Variants in OGG1 observed in about 807,000 individuals in gnomAD.
OGG1 encodes the protein N-glycosylase/DNA lyase.
In OGG1, 35 loss-of-function variants were observed where a neutral mutation model predicts 42.3. The ratio of observed to expected loss-of-function variants is 0.83; its 90% CI spans 0.63 to 1.10. OGG1 has a LOEUF of 1.10. Ranked by LOEUF, OGG1 falls within the 50% of genes least tolerant of loss-of-function variation. The pLI, the probability that OGG1 is intolerant of heterozygous loss-of-function variation, is 0.00. For missense variants in OGG1, 484 were observed against 446.7 expected (o/e 1.08, Z -0.75); for synonymous variants, 189 against 179.0 (o/e 1.06, Z -0.44).
At chr3:9,756,710 TC>T (rs2077580429) in intron 5 of OGG1, 56 bp from the exon 6 acceptor site, 2 of 1,613,874 alleles carry the variant, frequency 1.2e-6, no homozygotes, top group Admixed American at 3.3e-5. Context: ...AGACCCTACT[TC>T]TGTTGATGGG....
intron 3 of OGG1, among the ~76,000 whole-genome samples, chr3:9,786,668 A>T (rs1412748264): frequency 2.0e-5 from 3 of 152,192 alleles, no homozygotes; most frequent in African/African-American, 7.2e-5. Context: ...TAGCAAAAGT[A>T]ATTGTGGAGT....
chr3:9,750,190 T>G lies in OGG1; in HGVS notation c.-97T>G. The stretch of plus-strand genomic sequence containing the variant: ...AAACAGCACCGTGTGGGCGAGGCCT[T>G]AAGGGTCGTGGTCCTTGTCTGGGCG... On this transcript the variant is annotated 5_prime_UTR_variant, in exon 1 of 7. The change creates a premature stop within an existing upstream ORF in the 5' untranslated region. Coordinates refer to ENST00000344629, the MANE Select transcript of OGG1 (RefSeq NM_002542.6). 1 of 1,480,536 alleles carries G rather than the reference T, an allele frequency of 6.8e-7. No individual in the cohort carries two copies. Among genetic ancestry groups the G allele is most frequent in the Admixed American group, 2.0e-5 (1 of 49,046 alleles). 91.7% of individuals were successfully genotyped at this position (1,480,536 alleles called of 1,614,324 possible). A position where few individuals can be genotyped will look rare whatever the true frequency, so the allele number is the denominator to read the frequency against.
chr3:9,776,453 G>C (rs1277835021), intron 2 of OGG1, among the ~76,000 whole-genome samples: 1 of 144,018 alleles, frequency 6.9e-6, no homozygotes, highest in Non-Finnish European at 1.5e-5. Context: ...GCAGTGGCGC[G>C]ATCTCGGCTC....
At chr3:9,753,894 T>A (rs1462592285) in intron 3 of OGG1, among the ~76,000 whole-genome samples, 3 of 152,094 alleles carry the variant, frequency 2.0e-5, no homozygotes, top group African/African-American at 7.2e-5. Flanking sequence ...TTCAGCACTT[T>A]TGGGAGCCCA....
chr3:9,754,584 G>A, intron 3 of OGG1, 120 bp from the exon 4 acceptor site: 1 of 1,031,124 alleles, frequency 9.7e-7, no homozygotes, highest in Non-Finnish European at 1.5e-6. Flanking sequence ...ATAGAGGGTG[G>A]GGAGGTAGGA....
exon 4 of OGG1, chr3:9,787,976 G>A: frequency 6.0e-6 from 2 of 333,908 alleles, no homozygotes; most frequent in South Asian, 4.7e-5. Flanking sequence ...CGAGATACTT[G>A]GTGGGACTGG....
rs1311496039 is a variant in OGG1, at chr3:9,764,619, TTTTTTTTTG to T, written c.1049-1181_1049-1173del. ...GAGCCACTGCGCCTGGCGTTTTTGT[TTTTTTTTTG>T]TTTTTTTTTTTTTTTTTGAGATGGA... On this transcript the variant is annotated intron_variant, in intron 7 of 7. Coordinates refer to the OGG1 transcript ENST00000302008. 1.5e-4 allele frequency among the ~76,000 whole-genome samples: 19 copies of T among 124,784 alleles called. 1 individual carries two copies. Among genetic ancestry groups the T allele is most frequent in the South Asian group, 2.6e-4 (1 of 3,814 alleles). 81.9% of individuals were successfully genotyped at this position (124,784 alleles called of 152,430 possible). A position where few individuals can be genotyped will look rare whatever the true frequency, so the allele number is the denominator to read the frequency against.
chr3:9,782,518 T>C (rs2078500092), intron 3 of OGG1, among the ~76,000 whole-genome samples: 1 of 152,232 alleles, frequency 6.6e-6, no homozygotes, highest in East Asian at 1.9e-4. Flanking sequence ...TGTCAGCAAC[T>C]ACCTCTCCTT....
downstream of OGG1, among the ~76,000 whole-genome samples, chr3:9,790,194 A>G (rs1359158716): frequency 6.6e-6 from 1 of 152,148 alleles, no homozygotes; most frequent in African/African-American, 2.4e-5. Context: ...TTGTTCATCT[A>G]TACTGATTCA....
At chr3:9,788,135 G>C (rs1240455264) in exon 4 of OGG1, 1 of 170,948 alleles carries the variant, frequency 5.8e-6, no homozygotes, top group East Asian at 1.6e-4. Flanking sequence ...GAGCACATCT[G>C]ATCATGACAG....
Position 9,751,048 on chromosome 3 carries a change from G to A in OGG1, c.241G>A (p.Asp81Asn), listed in dbSNP as rs1050769912. Residue 81 changes from aspartate to asparagine, a missense_variant, in exon 2 of 7, where the codon GAC (aspartate) becomes AAC (asparagine). Transcript: ENST00000344629. Reference protein sequence around the residue: ...EQLHCTVYRGDKSQASRPTPD... With the variant: ...EQLHCTVYRGNKSQASRPTPD... ...GCTCCACTGCACTGTGTACCGAGGA[G>A]ACAAGAGCCAGGCTAGCAGGCCCAC... The A allele has an allele frequency of 6.2e-7, 1 of 1,613,866 alleles. No individual in the cohort carries two copies.
At chr3:9,785,929 CTTG>C (rs2078597150) in intron 3 of OGG1, among the ~76,000 whole-genome samples, 1 of 149,418 alleles carries the variant, frequency 6.7e-6, no homozygotes. Flanking sequence ...CACACTCCTC[CTTG>C]TTTTGTTTTG....
chr3:9,789,919 C>T, downstream of OGG1: 2 of 1,612,442 alleles, frequency 1.2e-6, no homozygotes, highest in East Asian at 2.2e-5. Flanking sequence ...GACCCAGCTT[C>T]AGGAATCGTC....
intron 4 of OGG1, 58 bp from the exon 5 acceptor site, chr3:9,756,413 A>C: frequency 6.3e-7 from 1 of 1,596,622 alleles, no homozygotes; most frequent in South Asian, 1.1e-5. Flanking sequence ...GGCTATAAGC[A>C]AGATGCTGGC....
At chr3:9,780,059 G>A (rs954696708) in intron 2 of OGG1, 2 of 299,546 alleles carry the variant, frequency 6.7e-6, no homozygotes, top group Non-Finnish European at 6.2e-6. Flanking sequence ...ACAGGGGTAG[G>A]GGATTAGGGA....
Position 9,750,334 on chromosome 3 carries a change from A to G in OGG1, c.48A>G (p.Leu16=). ...LLPRRMGHRT[L]ASTPALWASI... is the part of the protein sequence containing the mutation. ...CCAGGCGCATGGGGCATCGTACTCT[A>G]GCCTCCACTCCTGCCCTGTGGGCCT... Residue 16 remains leucine, a synonymous_variant, in exon 1 of 7, where the codon CTA becomes CTG. Transcript: ENST00000344629. 6.2e-7 allele frequency: 1 copy of G among 1,613,908 alleles called. No individual in the cohort carries two copies. Among genetic ancestry groups the G allele is most frequent in the Non-Finnish European group, 8.5e-7 (1 of 1,179,994 alleles).
intron 3 of OGG1, chr3:9,784,184 C>T (rs775825799): frequency 4.3e-6 from 7 of 1,613,424 alleles, no homozygotes; most frequent in South Asian, 1.1e-5. Flanking sequence ...CTCCTTGATG[C>T]GGCTCTCCAG....
Position 9,756,548 on chromosome 3 carries a change from C to G in OGG1, c.825C>G (p.Ala275=). The change falls in exon 5 of 7, where the codon GCC becomes GCG. Residue 275 remains alanine, a synonymous_variant. Transcript: ENST00000344629. ...TGGATGTCCATATGTGGCACATTGC[C>G]CAACGTGACTACAGCTGGCACCCTA... The part of the protein sequence containing the change: ...VPVDVHMWHI[A]QRDYSWHPTT... 1 of 1,614,128 alleles carries G rather than the reference C, an allele frequency of 6.2e-7. No homozygotes were observed. Among genetic ancestry groups the G allele is most frequent in the East Asian group, 2.2e-5 (1 of 44,876 alleles).
chr3:9,789,135 C>G (rs55807755), downstream of OGG1, among the ~76,000 whole-genome samples: 31,690 of 152,088 alleles, frequency 0.21, 3,798 homozygotes, highest in East Asian at 0.57. Flanking sequence ...TGCTCCCAGC[C>G]CAAGTTTTAT....
Sources: gnomAD v4.1 joint callset for allele counts (sites outside exome capture counted in the v4.1 genomes callset) on GRCh38, gnomAD v4.1.1 for gene constraint, MANE v1.5 for transcripts, NCBI Gene and HGNC (gene_info 2026-07-23, HGNC 2026-07-21) for gene names.